AMZ2: variants seen among roughly 807,000 people sequenced by gnomAD.
AMZ2 encodes the protein archaemetzincin-2.
A neutral mutation model predicts 36.7 loss-of-function variants in AMZ2; 26 were observed. The observed-to-expected ratio is 0.71, with a 90% CI of 0.52 to 0.98. The LOEUF is 0.98. Among genes scored for constraint, AMZ2 ranks in the 50% least tolerant of loss-of-function variants. The pLI is 0.00. For missense variants in AMZ2, 394 were observed against 430.5 expected (o/e 0.92, Z 0.75); for synonymous variants, 144 against 149.1 (o/e 0.97, Z 0.25).
intron 1 of AMZ2, among the ~76,000 whole-genome samples, chr17:68,227,546 T>G (rs1466530516): frequency 6.6e-6 from 1 of 152,194 alleles, no homozygotes; most frequent in Non-Finnish European, 1.5e-5. Flanking sequence ...GGGGAGAATC[T>G]GTTCCTGGTC....
chr17:68,243,805 TG>T (rs1555734587), upstream of AMZ2, among the ~76,000 whole-genome samples: 3 of 152,080 alleles, frequency 2.0e-5, no homozygotes, highest in Non-Finnish European at 4.4e-5. Flanking sequence ...AGATCAAGGT[TG>T]GGGGGAAATT....
chr17:68,249,284 T>A (rs548655713), intron 1 of AMZ2: 6 of 253,124 alleles, frequency 2.4e-5, no homozygotes, highest in African/African-American at 1.3e-4. Context: ...ACGATGAGTA[T>A]TTTTCATGTG....
Position 68,211,816 on chromosome 17 carries a change from ATGTGTATG to A in AMZ2, c.-67+5580_-67+5587del, listed in dbSNP as rs1568340316. ...TATATATGTGTATATGTATATATGT[ATGTGTATG>A]TATATGTATATATGTACATGTATAT... On this transcript the variant is annotated intron_variant, in intron 1 of 7. Coordinates refer to the AMZ2 transcript ENST00000674770. Among the ~76,000 whole-genome samples the A allele has an allele frequency of 1.3e-3, 128 of 95,066 alleles. 4 individuals carry two copies. Among genetic ancestry groups the A allele is most frequent in the South Asian group, 2.9e-3 (8 of 2,744 alleles). 62.4% of individuals were successfully genotyped at this position (95,066 alleles called of 152,430 possible).
At chr17:68,248,748 C>T (rs538674931) in intron 1 of AMZ2, 43 bp downstream of exon 1, 4 of 993,896 alleles carry the variant, frequency 4.0e-6, no homozygotes, top group Admixed American at 6.0e-5. Flanking sequence ...TATATTTTGT[C>T]CTGTAGAAGT....
chr17:68,240,588 G>T (rs374213330), intron 1 of AMZ2, among the ~76,000 whole-genome samples: 2 of 152,154 alleles, frequency 1.3e-5, no homozygotes, highest in African/African-American at 4.8e-5. Flanking sequence ...AGAATGAAAG[G>T]ATAAGAGTCT....
intron 1 of AMZ2, among the ~76,000 whole-genome samples, chr17:68,211,656 AGTG>A (rs1192719410): frequency 9.3e-5 from 14 of 149,914 alleles, no homozygotes; most frequent in African/African-American, 2.4e-4. Context: ...AAAAATAAAA[AGTG>A]GTATGAAGAA....
chr17:68,216,802 G>A (rs1423369546), intron 1 of AMZ2, among the ~76,000 whole-genome samples: 4 of 152,038 alleles, frequency 2.6e-5, no homozygotes, highest in Admixed American at 6.6e-5. Flanking sequence ...AGGCTGAGGC[G>A]GGCAGATCAC....
upstream of AMZ2, chr17:68,247,082 C>G (rs1325834529): frequency 6.6e-6 from 1 of 151,102 alleles, no homozygotes; most frequent in East Asian, 1.9e-4. Flanking sequence ...CGCCTGTAAT[C>G]CCAGCACTTT....
intron 1 of AMZ2, among the ~76,000 whole-genome samples, chr17:68,234,598 A>C (rs188458083): frequency 7.9e-5 from 12 of 151,790 alleles, no homozygotes; most frequent in Non-Finnish European, 1.6e-4. Flanking sequence ...TCTATACTAC[A>C]ATTCAAAACA....
intron 1 of AMZ2, among the ~76,000 whole-genome samples, chr17:68,213,580 T>C (rs2073120523): frequency 6.6e-6 from 1 of 152,252 alleles, no homozygotes; most frequent in Admixed American, 6.5e-5. Flanking sequence ...ATCTTCGCTG[T>C]CTATGGTGTT....
chr17:68,213,566 C>T (rs1395506456), intron 1 of AMZ2, among the ~76,000 whole-genome samples: 3 of 152,186 alleles, frequency 2.0e-5, no homozygotes, highest in Admixed American at 6.5e-5. Context: ...TGGAAGCTTA[C>T]GGAATCTTCG....
At chr17:68,230,321 G>A (rs1599337685) in intron 1 of AMZ2, among the ~76,000 whole-genome samples, 3 of 152,156 alleles carry the variant, frequency 2.0e-5, no homozygotes, top group African/African-American at 4.8e-5. Flanking sequence ...TGATCCACTC[G>A]CCTCGGCCTC....
At chr17:68,209,632 A>ATATATATGTATATATATATT in intron 1 of AMZ2, among the ~76,000 whole-genome samples, 40 of 90,666 alleles carry the variant, frequency 4.4e-4, no homozygotes, top group Non-Finnish European at 7.0e-4. Flanking sequence ...ATATATATAT[A>ATATATATGTATATATATATT]TTTTTTTTTT....
intron 5 of AMZ2, among the ~76,000 whole-genome samples, chr17:68,255,182 A>G (rs1353369897): frequency 6.6e-6 from 1 of 152,146 alleles, no homozygotes; most frequent in Non-Finnish European, 1.5e-5. Flanking sequence ...TTGCCACCTG[A>G]TGTTCTCATT....
chr17:68,233,088 C>T (rs1308772505), intron 1 of AMZ2, among the ~76,000 whole-genome samples: 6 of 152,216 alleles, frequency 3.9e-5, no homozygotes, highest in Non-Finnish European at 8.8e-5. Context: ...CTTCCTGGTC[C>T]CCAGATGGCC....
chr17:68,224,401 T>C (rs2073456971), intron 1 of AMZ2, among the ~76,000 whole-genome samples: 1 of 152,278 alleles, frequency 6.6e-6, no homozygotes, highest in South Asian at 2.1e-4. Context: ...TTTACTGAGC[T>C]GTGTGGCCTT....
chr17:68,225,664 C>T (rs1374324017), intron 1 of AMZ2, among the ~76,000 whole-genome samples: 2 of 151,962 alleles, frequency 1.3e-5, no homozygotes, highest in African/African-American at 4.8e-5. Flanking sequence ...GATAGAGTCT[C>T]ACTCTGTTGC....
At chr17:68,239,021 C>T (rs1427179455) in intron 1 of AMZ2, among the ~76,000 whole-genome samples, 1 of 152,052 alleles carries the variant, frequency 6.6e-6, no homozygotes, top group East Asian at 1.9e-4. Context: ...AATGTGTTTC[C>T]CCCTAGAAAC....
chr17:68,208,159 C>T (rs1285953093), intron 1 of AMZ2, among the ~76,000 whole-genome samples: 4 of 152,188 alleles, frequency 2.6e-5, no homozygotes, highest in Non-Finnish European at 5.9e-5. Context: ...TGCCCCACGG[C>T]GCCCAGTCCC....
Sources: gnomAD v4.1 joint callset for allele counts (sites outside exome capture counted in the v4.1 genomes callset) on GRCh38, gnomAD v4.1.1 for gene constraint, MANE v1.5 for transcripts, NCBI Gene and HGNC (gene_info 2026-07-23, HGNC 2026-07-21) for gene names.